The following RPRD1A variants were observed in gnomAD, a reference collection of about 807,000 sequenced individuals.
The protein encoded by RPRD1A is regulation of nuclear pre-mRNA domain containing 1A.
Under a neutral mutation model 37.8 loss-of-function variants are expected in RPRD1A, and 9 were observed. That is an observed-to-expected ratio of 0.24 (90% CI 0.14 to 0.42). The LOEUF (loss-of-function observed/expected upper bound fraction) is 0.42. RPRD1A is among the 10% of genes least tolerant of loss of function. The pLI is 1.00. For synonymous variants in RPRD1A, 138 were observed against 139.7 expected (o/e 0.99, Z 0.08); for missense variants, 255 against 371.0 (o/e 0.69, Z 2.57).
At chr18:36,023,559 T>C (rs1417183163) in intron 6 of RPRD1A, among the ~76,000 whole-genome samples, 6 of 152,146 alleles carry the variant, frequency 3.9e-5, no homozygotes, top group South Asian at 2.1e-4. Context: ...CTTGAGAAAA[T>C]TGCTTCTAAT....
At chr18:35,995,327 T>C (rs1908980149) in intron 6 of RPRD1A, among the ~76,000 whole-genome samples, 1 of 147,360 alleles carries the variant, frequency 6.8e-6, no homozygotes, top group African/African-American at 2.5e-5. Flanking sequence ...GCAATGGCGC[T>C]ATCTCAGCTC....
chr18:35,993,659 C>T (rs935697946), intron 6 of RPRD1A, among the ~76,000 whole-genome samples: 1 of 152,120 alleles, frequency 6.6e-6, no homozygotes, highest in Non-Finnish European at 1.5e-5. Flanking sequence ...TCTATGAAAA[C>T]TCAGTAGGAA....
intron 6 of RPRD1A, among the ~76,000 whole-genome samples, chr18:36,023,675 G>A (rs549772556): frequency 4.5e-4 from 69 of 152,282 alleles, no homozygotes; most frequent in African/African-American, 1.6e-3. Context: ...TTATCACTGT[G>A]TTAATAAACT....
At chr18:36,058,047 CTT>C (rs1289395661) in intron 1 of RPRD1A, among the ~76,000 whole-genome samples, 1 of 152,048 alleles carries the variant, frequency 6.6e-6, no homozygotes, top group Non-Finnish European at 1.5e-5. Context: ...ATAGAAGAAA[CTT>C]CTTGTATTTT....
At chr18:36,033,256 C>T (rs969463144) in intron 2 of RPRD1A, among the ~76,000 whole-genome samples, 26 of 130,526 alleles carry the variant, frequency 2.0e-4, no homozygotes, top group African/African-American at 6.2e-4. Context: ...GAGCCAAGAT[C>T]GCACCACTGT....
At chr18:35,996,177 T>C (rs1397433648) in intron 6 of RPRD1A, among the ~76,000 whole-genome samples, 2 of 152,216 alleles carry the variant, frequency 1.3e-5, no homozygotes, top group African/African-American at 2.4e-5. Context: ...GATGTTACAA[T>C]AGGGGAAACT....
intron 1 of RPRD1A, among the ~76,000 whole-genome samples, chr18:36,038,096 G>A (rs79087221): frequency 0.061 from 9,324 of 152,298 alleles, 306 homozygotes; most frequent in Non-Finnish European, 0.082. Flanking sequence ...CCCATTTTCT[G>A]AAGAGAAATT....
intron 6 of RPRD1A, among the ~76,000 whole-genome samples, chr18:36,022,916 T>C (rs1488880295): frequency 6.6e-6 from 1 of 152,234 alleles, no homozygotes; most frequent in Non-Finnish European, 1.5e-5. Flanking sequence ...GAGCTGTGAT[T>C]GCATGACTAC....
At chr18:36,063,490 G>GCTT (rs2088956610) in intron 1 of RPRD1A, among the ~76,000 whole-genome samples, 1 of 152,128 alleles carries the variant, frequency 6.6e-6, no homozygotes, top group Non-Finnish European at 1.5e-5. Flanking sequence ...TTAAACAGTA[G>GCTT]CTTCTCCCAC....
At chr18:36,059,802 T>G in intron 1 of RPRD1A, among the ~76,000 whole-genome samples, 1 of 152,308 alleles carries the variant, frequency 6.6e-6, no homozygotes, top group South Asian at 2.1e-4. Flanking sequence ...TTCAAACAAA[T>G]GGCTTCTAAA....
intron 1 of RPRD1A, among the ~76,000 whole-genome samples, chr18:36,066,825 A>C (rs1853668928): frequency 6.6e-6 from 1 of 152,168 alleles, no homozygotes; most frequent in Admixed American, 6.5e-5. Context: ...TTCCTCTATT[A>C]ATTTCACAAG....
intron 6 of RPRD1A, among the ~76,000 whole-genome samples, chr18:36,024,575 A>AT (rs1911232126): frequency 6.6e-6 from 1 of 152,182 alleles, no homozygotes. Flanking sequence ...ATGCTTTAAT[A>AT]ATGGCTTCCT....
At chr18:35,998,855 TATA>T (rs1023183792) in intron 6 of RPRD1A, among the ~76,000 whole-genome samples, 5 of 152,362 alleles carry the variant, frequency 3.3e-5, no homozygotes, top group African/African-American at 1.2e-4. Context: ...TTTACACTGC[TATA>T]ATACTTCAAC....
chr18:36,021,365 T>C (rs574650519), intron 6 of RPRD1A, among the ~76,000 whole-genome samples: 104 of 152,344 alleles, frequency 6.8e-4, no homozygotes, highest in African/African-American at 2.3e-3. Flanking sequence ...AACTTCACTA[T>C]TCTTATGCAT....
intron 1 of RPRD1A, among the ~76,000 whole-genome samples, chr18:36,058,251 C>T (rs1441897237): frequency 6.6e-5 from 10 of 152,104 alleles, no homozygotes; most frequent in Admixed American, 6.5e-4. Flanking sequence ...CCACGTTACC[C>T]AGGCTGGTCT....
rs537802108 is a variant in RPRD1A, at chr18:35,991,758, T to A, written c.*1393A>T. The A allele has an allele frequency of 6.2e-4, 95 of 152,326 alleles. No homozygotes were observed. The highest frequency in any genetic ancestry group is 1.9e-3 in the African/African-American group (80 of 41,560). 9.4% of individuals were successfully genotyped at this position (152,326 alleles called of 1,614,324 possible). On this transcript the variant is annotated 3_prime_UTR_variant, in exon 7 of 7. Transcript: ENST00000399022. Reference sequence around the variant, plus strand: ...ACTACTTGGCTATTAAAAATAAATGTCTGCCTTCTTCATATGCAATTCATT... The same window carrying A: ...ACTACTTGGCTATTAAAAATAAATGACTGCCTTCTTCATATGCAATTCATT...
At chr18:36,063,937 T>C (rs2088965607) in intron 1 of RPRD1A, 1 of 152,254 alleles carries the variant, frequency 6.6e-6, no homozygotes, top group South Asian at 2.1e-4. Flanking sequence ...CATCTTTTTA[T>C]ATGCTTTAAC....
chr18:36,025,206 C>G (rs1244224917), intron 6 of RPRD1A: 1 of 153,978 alleles, frequency 6.5e-6, no homozygotes, highest in Admixed American at 6.4e-5. Flanking sequence ...AAACAACTCA[C>G]TAGCTCTTTG....
intron 1 of RPRD1A, among the ~76,000 whole-genome samples, chr18:36,057,940 C>A (rs1011677315): frequency 6.6e-6 from 1 of 152,192 alleles, no homozygotes. Context: ...TATGTAAGCT[C>A]CATGAACACA....
Sources: gnomAD v4.1 joint callset for allele counts (sites outside exome capture counted in the v4.1 genomes callset) on GRCh38, gnomAD v4.1.1 for gene constraint, MANE v1.5 for transcripts, NCBI Gene and HGNC (gene_info 2026-07-23, HGNC 2026-07-21) for gene names.